Variants in PCDHA8 observed in about 807,000 individuals in gnomAD.
PCDHA8 encodes protocadherin alpha-8.
In PCDHA8, 53 loss-of-function variants were observed where a neutral mutation model predicts 61.8. That is an observed-to-expected ratio of 0.86 (90% CI 0.69 to 1.08). The LOEUF is 1.08. Ranked by LOEUF, PCDHA8 falls within the 50% of genes least tolerant of loss-of-function variation. PCDHA8 has a pLI of 0.00. For missense variants in PCDHA8, 1,293 were observed against 1,245.0 expected, an observed-to-expected ratio of 1.04 and a Z score of -0.58; for synonymous variants, 618 against 556.6, an observed-to-expected ratio of 1.11 and a Z score of -1.55.
chr5:140,891,933 C>T (rs1554185011), intron 1 of PCDHA8, among the ~76,000 whole-genome samples: 1 of 152,220 alleles, frequency 6.6e-6, no homozygotes, highest in African/African-American at 2.4e-5. Flanking sequence ...TGATCTTGGA[C>T]TTCCCCTAGG....
intron 1 of PCDHA8, among the ~76,000 whole-genome samples, chr5:140,873,969 A>T (rs1438036244): frequency 6.6e-6 from 1 of 152,224 alleles, no homozygotes; most frequent in Non-Finnish European, 1.5e-5. Context: ...CCTATTTTTT[A>T]AAATTAAAGT....
At chr5:140,893,888 G>A (rs1182777052) in intron 1 of PCDHA8, among the ~76,000 whole-genome samples, 1 of 152,128 alleles carries the variant, frequency 6.6e-6, no homozygotes, top group Non-Finnish European at 1.5e-5. Context: ...TGGCCAGAAA[G>A]TTACTTTACC....
At chr5:140,958,326 A>T (rs1440413634) in intron 1 of PCDHA8, among the ~76,000 whole-genome samples, 1 of 152,150 alleles carries the variant, frequency 6.6e-6, no homozygotes, top group Non-Finnish European at 1.5e-5. Flanking sequence ...CTCAAAAAAT[A>T]AATAAATCAC....
intron 1 of PCDHA8, among the ~76,000 whole-genome samples, chr5:140,933,650 CCTGTCTCTCTCT>C (rs1218539002): frequency 2.6e-5 from 4 of 151,890 alleles, no homozygotes; most frequent in South Asian, 2.1e-4. Context: ...AGTTGGAAAT[CCTGTCTCTCTCT>C]CTGTCTCTCT....
chr5:140,959,876 G>A (rs1335764869), intron 1 of PCDHA8, among the ~76,000 whole-genome samples: 1 of 152,134 alleles, frequency 6.6e-6, no homozygotes. Context: ...ATCTGTCAAG[G>A]AATACACGAG....
At position 140,850,688 on chromosome 5, in the gene PCDHA8, G is replaced by T. The variant is rs370343489; in HGVS notation, c.2394+6973G>T. ...GCTCGGCGATGCCCACCGAGGGCGA[G>T]TGCGCGCCTGGCAAGCCGACGCTGG... On this transcript the variant is annotated intron_variant, in intron 1 of 3. Coordinates refer to ENST00000531613, the MANE Select transcript of PCDHA8 (RefSeq NM_018911.3). The T allele has an allele frequency of 5.0e-6, 8 of 1,598,504 alleles. 1 individual carries two copies. Among genetic ancestry groups the T allele is most frequent in the Non-Finnish European group, 6.9e-6 (8 of 1,167,882 alleles).
chr5:140,922,786 G>A (rs1397049612), intron 1 of PCDHA8, among the ~76,000 whole-genome samples: 2 of 152,198 alleles, frequency 1.3e-5, no homozygotes, highest in African/African-American at 4.8e-5. Context: ...AGAGAAAACT[G>A]TAGCTTTGGA....
At chr5:140,938,881 A>T (rs2092243650) in intron 1 of PCDHA8, among the ~76,000 whole-genome samples, 1 of 152,088 alleles carries the variant, frequency 6.6e-6, no homozygotes, top group South Asian at 2.1e-4. Context: ...GAAGCAACAC[A>T]CACACACACA....
chr5:140,892,733 C>G lies in PCDHA8; in HGVS notation c.2394+49018C>G, dbSNP rs183181952. Reference sequence around the variant, plus strand: ...CATATTCATAATCTCAAACATTTACCATTTTTGCATGGTGAACATTTAAAA... The same window carrying G: ...CATATTCATAATCTCAAACATTTACGATTTTTGCATGGTGAACATTTAAAA... On this transcript the variant is annotated intron_variant, in intron 1 of 3. Coordinates refer to ENST00000531613, the MANE Select transcript of PCDHA8 (RefSeq NM_018911.3). Among the ~76,000 whole-genome samples the G allele has an allele frequency of 8.1e-4, 123 of 152,172 alleles. No individual in the cohort carries two copies. In the Middle Eastern group the frequency reaches 0.02, roughly 25 times the overall value.
intron 1 of PCDHA8, chr5:140,966,707 A>G (rs539562297): frequency 7.2e-7 from 1 of 1,379,868 alleles, no homozygotes; most frequent in Admixed American, 3.5e-5. Context: ...GGCGTGGGGC[A>G]CGGCTGGGGA....
chr5:141,002,173 C>T (rs1442739241), intron 3 of PCDHA8, among the ~76,000 whole-genome samples: 2 of 152,192 alleles, frequency 1.3e-5, no homozygotes, highest in Non-Finnish European at 2.9e-5. Flanking sequence ...TAGGCAGGCT[C>T]CAGAGTGCTG....
At chr5:140,962,676 G>C (rs1201696145) in intron 1 of PCDHA8, among the ~76,000 whole-genome samples, 1 of 152,126 alleles carries the variant, frequency 6.6e-6, no homozygotes, top group Non-Finnish European at 1.5e-5. Context: ...CCATCCACTG[G>C]ATGTTTTATC....
intron 1 of PCDHA8, among the ~76,000 whole-genome samples, chr5:140,913,589 T>G (rs1342360734): frequency 6.6e-6 from 1 of 152,168 alleles, no homozygotes; most frequent in Non-Finnish European, 1.5e-5. Context: ...TATTTCTGCT[T>G]TGATCTTTAT....
chr5:140,882,877 G>A, intron 1 of PCDHA8: 1 of 1,614,208 alleles, frequency 6.2e-7, no homozygotes, highest in Non-Finnish European at 8.5e-7. Context: ...TGGACAGAGA[G>A]GAAATTCAGG....
At chr5:140,968,473 G>A in intron 1 of PCDHA8, 1 of 1,614,098 alleles carries the variant, frequency 6.2e-7, no homozygotes. Flanking sequence ...ACGTATATGT[G>A]GTGGACATGA....
chr5:140,964,952 T>C (rs868971882), intron 1 of PCDHA8, among the ~76,000 whole-genome samples: 1 of 152,190 alleles, frequency 6.6e-6, no homozygotes, highest in South Asian at 2.1e-4. Flanking sequence ...TGAGTGTGCT[T>C]GGTTGGTGGA....
At chr5:140,851,384 C>T (rs1414767152) in intron 1 of PCDHA8, 1 of 975,562 alleles carries the variant, frequency 1.0e-6, no homozygotes, top group East Asian at 1.1e-4. Flanking sequence ...CAGCAACCTT[C>T]AGTATCTATT....
intron 1 of PCDHA8, chr5:140,858,297 A>T: frequency 1.3e-6 from 2 of 1,597,406 alleles, no homozygotes; most frequent in Non-Finnish European, 1.7e-6. Context: ...TCTTACTCGC[A>T]GCAGAGGCGG....
intron 1 of PCDHA8, among the ~76,000 whole-genome samples, chr5:140,897,778 TG>T (rs1385536315): frequency 6.6e-6 from 1 of 152,208 alleles, no homozygotes; most frequent in Non-Finnish European, 1.5e-5. Flanking sequence ...ACTTCCACAA[TG>T]GTTGAACTAG....
Sources: gnomAD v4.1 joint callset for allele counts (sites outside exome capture counted in the v4.1 genomes callset) on GRCh38, gnomAD v4.1.1 for gene constraint, MANE v1.5 for transcripts, NCBI Gene and HGNC (gene_info 2026-07-23, HGNC 2026-07-21) for gene names.